DLGAP4: variants seen among roughly 807,000 people sequenced by gnomAD.
DLGAP4 encodes DLG associated protein 4, also known as disks large-associated protein 4.
Under a neutral mutation model 86.9 loss-of-function variants are expected in DLGAP4, and 18 were observed. That is an observed-to-expected ratio of 0.21 (90% CI 0.14 to 0.31). The LOEUF (loss-of-function observed/expected upper bound fraction) is 0.31, where lower values mean the gene tolerates loss of function less well. DLGAP4 is among the 10% of genes least tolerant of loss of function. DLGAP4 has a pLI of 1.00. For missense variants in DLGAP4, 1,085 were observed against 1,362.6 expected (o/e 0.80, Z 3.21); for synonymous variants, 548 against 574.3 (o/e 0.95, Z 0.65).
intron 7 of DLGAP4, among the ~76,000 whole-genome samples, chr20:36,458,407 C>T (rs1432371433): frequency 7.4e-6 from 1 of 135,594 alleles, no homozygotes; most frequent in Non-Finnish European, 1.5e-5. Flanking sequence ...GCTTGGAGTG[C>T]CATGGCGAGG....
At chr20:36,384,132 C>T (rs1237489393) in intron 2 of DLGAP4, among the ~76,000 whole-genome samples, 2 of 151,634 alleles carry the variant, frequency 1.3e-5, no homozygotes, top group Admixed American at 1.3e-4. Context: ...GACACTTTGA[C>T]CTTTGAGCTG....
At chr20:36,522,168 T>C (rs538124359) in intron 10 of DLGAP4, among the ~76,000 whole-genome samples, 6 of 152,276 alleles carry the variant, frequency 3.9e-5, no homozygotes, top group African/African-American at 1.4e-4. Context: ...TTTTTTGTTT[T>C]TGAGACAGGG....
chr20:36,419,101 G>A (rs544173773), intron 2 of DLGAP4, among the ~76,000 whole-genome samples: 73 of 152,002 alleles, frequency 4.8e-4, no homozygotes, highest in African/African-American at 1.7e-3. Flanking sequence ...GGGTAGATTC[G>A]TGACCTATTT....
intron 1 of DLGAP4, among the ~76,000 whole-genome samples, chr20:36,339,297 A>G (rs2065353554): frequency 6.6e-6 from 1 of 152,168 alleles, no homozygotes; most frequent in South Asian, 2.1e-4. Flanking sequence ...CATGTTGGCC[A>G]GGCTGGTCCC....
chr20:36,313,817 G>C lies in DLGAP4; in HGVS notation c.-304+7305G>C, dbSNP rs909968953. 3.4e-3 allele frequency among the ~76,000 whole-genome samples: 514 copies of C among 152,268 alleles called. 4 individuals are homozygous for C. Among genetic ancestry groups the C allele is most frequent in the African/African-American group, 0.012 (500 of 41,540 alleles). On this transcript the variant is annotated intron_variant, in intron 1 of 12. Coordinates refer to ENST00000339266, the MANE Select transcript of DLGAP4 (RefSeq NM_001365621.2). ...GTGTGTGATTCATGCACCCAGGTGA[G>C]AAGGTAGACCCCAGGCAAGAGGCCA... is the stretch of plus-strand genomic sequence containing the variant.
At chr20:36,467,863 T>G (rs1421690862) in intron 7 of DLGAP4, among the ~76,000 whole-genome samples, 1 of 152,216 alleles carries the variant, frequency 6.6e-6, no homozygotes, top group African/African-American at 2.4e-5. Context: ...ATCTGTACAA[T>G]AAGCCAGAGG....
chr20:36,480,132 G>A (rs143597320), intron 7 of DLGAP4, among the ~76,000 whole-genome samples: 51 of 152,272 alleles, frequency 3.3e-4, no homozygotes, highest in African/African-American at 1.1e-3. Flanking sequence ...CTGAATGAAG[G>A]CTGATTCCAG....
intron 1 of DLGAP4, among the ~76,000 whole-genome samples, chr20:36,347,207 C>A (rs1303949474): frequency 1.3e-5 from 2 of 152,204 alleles, no homozygotes; most frequent in Admixed American, 1.3e-4. Context: ...CAGCTCCCAG[C>A]TGGGGCCTGG....
In DLGAP4 at chr20:36,446,785, A is replaced by T; in HGVS notation, c.1496A>T (p.Asp499Val). 1 of 1,612,812 alleles carries T rather than the reference A, an allele frequency of 6.2e-7. No individual in the cohort carries two copies. Among genetic ancestry groups the T allele is most frequent in the Non-Finnish European group, 8.5e-7 (1 of 1,179,824 alleles). Reference sequence around the variant, plus strand: ...GAGTCCACAGCGGCAGAGACGCTTGACTTGCCACTGCCCAGCTACTTCCGC... The same window carrying T: ...GAGTCCACAGCGGCAGAGACGCTTGTCTTGCCACTGCCCAGCTACTTCCGC... ...EAESTAAETLDLPLPSYFRSR... is the reference protein window; with the variant it reads ...EAESTAAETLVLPLPSYFRSR... Residue 499 changes from aspartate to valine, a missense_variant, in exon 7 of 13, where the codon GAC (aspartate) becomes GTC (valine). This residue lies in a region of DLGAP4 where 1,082 missense variants were observed against 1,344.1 expected (regional missense o/e 0.81). Coordinates refer to ENST00000339266, the MANE Select transcript of DLGAP4 (RefSeq NM_001365621.2).
chr20:36,432,233 T>A lies in DLGAP4; in HGVS notation c.516T>A (p.Gly172=), dbSNP rs779702465. 3 of 1,613,464 alleles carry A rather than the reference T, an allele frequency of 1.9e-6. No individual in the cohort carries two copies. The highest frequency in any genetic ancestry group is 1.7e-5 in the Admixed American group (1 of 60,002). ...TCGGTGGCAATGGCAGCAAGAAGGG[T>A]GGCATGGAGGACGGCAAGGGCCGGA... ...GKVGGNGSKK[G]GMEDGKGRRA... The change falls in exon 3 of 13, where the codon GGT becomes GGA. Residue 172 remains glycine, a synonymous_variant. Coordinates refer to ENST00000339266, the MANE Select transcript of DLGAP4 (RefSeq NM_001365621.2). This position sits in a 1 kb window ranked among gnomAD's most constrained non-coding sequence, Gnocchi z 6.5.
At chr20:36,361,191 G>A (rs1475465744) in intron 1 of DLGAP4, among the ~76,000 whole-genome samples, 1 of 152,052 alleles carries the variant, frequency 6.6e-6, no homozygotes, top group African/African-American at 2.4e-5. Flanking sequence ...AGGTGTTGGG[G>A]GTGTAAGAAG....
chr20:36,452,974 A>C (rs1298368416), intron 7 of DLGAP4, among the ~76,000 whole-genome samples: 2 of 151,796 alleles, frequency 1.3e-5, no homozygotes, highest in African/African-American at 4.8e-5. Context: ...CTGGGACTGC[A>C]GGCATGCGCC....
chr20:36,526,949 C>A lies in DLGAP4; in HGVS notation c.2897C>A (p.Ala966Glu). The A allele has an allele frequency of 3.7e-6, 6 of 1,613,806 alleles. No homozygotes were observed. Among genetic ancestry groups the A allele is most frequent in the Non-Finnish European group, 5.1e-6 (6 of 1,179,932 alleles). ...ARKRLLAAKR[A>E]ASVRQNSATE... is the part of the protein sequence containing the mutation. ...AAGAGACTCCTGGCGGCCAAGCGGGCAGCTTCTGTGCGGCAGAACTCAGCC... is the reference window on the plus strand; with the variant it reads ...AAGAGACTCCTGGCGGCCAAGCGGGAAGCTTCTGTGCGGCAGAACTCAGCC... Residue 966 changes from alanine (A) to glutamate (E), a missense_variant, in exon 13 of 13, where the codon GCA becomes GAA. Transcript: ENST00000339266.
At chr20:36,494,255 G>A (rs1316990351) in intron 7 of DLGAP4, among the ~76,000 whole-genome samples, 1 of 152,158 alleles carries the variant, frequency 6.6e-6, no homozygotes, top group Non-Finnish European at 1.5e-5. Flanking sequence ...CTGGGCACAA[G>A]GCACAGCATC....
At chr20:36,489,186 T>A (rs536717390) in intron 7 of DLGAP4, among the ~76,000 whole-genome samples, 2 of 152,310 alleles carry the variant, frequency 1.3e-5, no homozygotes, top group East Asian at 3.9e-4. Context: ...GCTGGGGTTG[T>A]GTGTAGCGGG....
At position 36,472,708 on chromosome 20, in the gene DLGAP4, C is replaced by T. The variant is rs1347694883; in HGVS notation, c.1649-23997C>T. 1.1e-4 allele frequency among the ~76,000 whole-genome samples: 17 copies of T among 151,904 alleles called. 1 individual carries two copies. The highest frequency in any genetic ancestry group is 1.0e-3 in the Admixed American group (16 of 15,242). On this transcript the variant is annotated intron_variant, in intron 7 of 12. Coordinates refer to ENST00000339266, the MANE Select transcript of DLGAP4 (RefSeq NM_001365621.2). ...AACATCTTTCCCAAATTGTTCTAGT[C>T]GTAAAGTTTCACTTTGGGGTTAAAA... is the stretch of plus-strand genomic sequence containing the variant.
chr20:36,373,057 G>A (rs1203941667), intron 2 of DLGAP4, among the ~76,000 whole-genome samples: 1 of 152,098 alleles, frequency 6.6e-6, no homozygotes, highest in Non-Finnish European at 1.5e-5. Context: ...CTAGGGAGAT[G>A]CTCAGAAGAG....
intron 7 of DLGAP4, chr20:36,461,670 C>CGCGCTT: frequency 5.8e-6 from 1 of 172,124 alleles, no homozygotes; most frequent in Non-Finnish European, 1.0e-5. Flanking sequence ...CCCGCCCGGC[C>CGCGCTT]CGGCCCGGCC....
chr20:36,314,227 A>G (rs1253023114), intron 1 of DLGAP4, among the ~76,000 whole-genome samples: 2 of 150,518 alleles, frequency 1.3e-5, no homozygotes, highest in South Asian at 2.1e-4. Context: ...CCATCTATGC[A>G]TCCAACCCTC....
Sources: allele counts gnomAD v4.1 joint callset (sites outside exome capture counted in the v4.1 genomes callset), GRCh38; gene constraint gnomAD v4.1.1; regional missense constraint gnomAD v4.1.1; non-coding constraint Gnocchi (gnomAD v3.1); transcripts MANE v1.5; gene names NCBI Gene and HGNC (gene_info 2026-07-23, HGNC 2026-07-21).